RANBP9: variants seen among roughly 807,000 people sequenced by gnomAD.
The protein encoded by RANBP9 is ran-binding protein 9.
A neutral mutation model predicts 84.3 loss-of-function variants in RANBP9; 15 were observed. The observed-to-expected ratio is 0.18, with a 90% CI of 0.12 to 0.27. RANBP9 has a LOEUF of 0.27. Ranked by LOEUF, RANBP9 falls within the 10% of genes least tolerant of loss-of-function variation. RANBP9 has a pLI of 1.00. For synonymous variants in RANBP9, 392 were observed against 349.6 expected, an observed-to-expected ratio of 1.12 and a Z score of -1.35; for missense variants, 809 against 912.8, an observed-to-expected ratio of 0.89 and a Z score of 1.46.
chr6:13,708,402 G>A (rs1381802876), intron 1 of RANBP9, among the ~76,000 whole-genome samples: 1 of 152,136 alleles, frequency 6.6e-6, no homozygotes, highest in Non-Finnish European at 1.5e-5. Context: ...CTCCATCAAG[G>A]CAACAAAGTT....
At chr6:13,629,119 TTG>T (rs2127760053) in intron 12 of RANBP9, among the ~76,000 whole-genome samples, 1 of 97,212 alleles carries the variant, frequency 1.0e-5, no homozygotes, top group South Asian at 3.3e-4. Flanking sequence ...TTGAGCCTTT[TTG>T]TTTTTTTGAG....
chr6:13,657,051 T>C (rs1765415657), intron 4 of RANBP9, 58 bp downstream of exon 4: 1 of 1,432,448 alleles, frequency 7.0e-7, no homozygotes, highest in African/African-American at 1.4e-5. Flanking sequence ...ACTACCATCC[T>C]GGAAGTATAA....
chr6:13,680,667 G>C (rs747790987), intron 2 of RANBP9, among the ~76,000 whole-genome samples: 1 of 151,824 alleles, frequency 6.6e-6, no homozygotes, highest in Non-Finnish European at 1.5e-5. Context: ...GAGGCGGGAG[G>C]ATCGCTTGGC....
chr6:13,657,746 A>AT (rs1328944874), intron 3 of RANBP9, among the ~76,000 whole-genome samples: 1 of 152,242 alleles, frequency 6.6e-6, no homozygotes, highest in African/African-American at 2.4e-5. Flanking sequence ...AGATATGTTT[A>AT]TATCATCATT....
chr6:13,639,798 G>T, intron 8 of RANBP9, 45 bp from the exon 9 acceptor site: 1 of 1,467,738 alleles, frequency 6.8e-7, no homozygotes, highest in Non-Finnish European at 9.4e-7. Flanking sequence ...TCTTCAAATG[G>T]CCTTTTATTT....
intron 2 of RANBP9, among the ~76,000 whole-genome samples, chr6:13,666,821 C>T (rs1257632958): frequency 6.6e-6 from 1 of 151,752 alleles, no homozygotes; most frequent in Non-Finnish European, 1.5e-5. Context: ...GAGTATTTTA[C>T]CTTGAAAAAC....
chr6:13,692,527 CAAAAAAAAAAAAA>C (rs61237158), intron 2 of RANBP9, among the ~76,000 whole-genome samples: 45 of 28,726 alleles, frequency 1.6e-3, no homozygotes, highest in South Asian at 2.9e-3. Context: ...AACTCCGTCT[CAAAAAAAAAAAAA>C]AAAAAAAAAA....
chr6:13,676,669 G>A (rs1765891652), intron 2 of RANBP9, among the ~76,000 whole-genome samples: 1 of 151,564 alleles, frequency 6.6e-6, no homozygotes, highest in Non-Finnish European at 1.5e-5. Flanking sequence ...TATACACCAA[G>A]ACTAAGTGGG....
chr6:13,657,532 A>C (rs1296803262), intron 3 of RANBP9, among the ~76,000 whole-genome samples: 1 of 152,218 alleles, frequency 6.6e-6, no homozygotes, highest in Non-Finnish European at 1.5e-5. Context: ...AGAAAAAACA[A>C]ACATAAATGC....
intron 7 of RANBP9, 35 bp from the exon 8 acceptor site, chr6:13,641,342 AC>A: frequency 7.6e-7 from 1 of 1,324,478 alleles, no homozygotes; most frequent in East Asian, 2.4e-5. Flanking sequence ...ATTAACTTTT[AC>A]AAAAGTAGAT....
At chr6:13,670,645 A>G (rs188618979) in intron 2 of RANBP9, among the ~76,000 whole-genome samples, 23 of 151,786 alleles carry the variant, frequency 1.5e-4, no homozygotes, top group Admixed American at 1.4e-3. Flanking sequence ...AAATACAAAA[A>G]CAAAATTAGA....
intron 1 of RANBP9, among the ~76,000 whole-genome samples, chr6:13,707,890 GACA>G (rs1758168553): frequency 6.6e-6 from 1 of 152,048 alleles, no homozygotes; most frequent in African/African-American, 2.4e-5. Flanking sequence ...ATTCAATACT[GACA>G]ACAATTTCAA....
intron 1 of RANBP9, among the ~76,000 whole-genome samples, chr6:13,698,015 T>A (rs1463728980): frequency 6.6e-6 from 1 of 152,246 alleles, no homozygotes; most frequent in Non-Finnish European, 1.5e-5. Flanking sequence ...TATACAATCA[T>A]CACACATGAA....
At chr6:13,655,428 CTG>C (rs1765376360) in intron 4 of RANBP9, among the ~76,000 whole-genome samples, 1 of 152,198 alleles carries the variant, frequency 6.6e-6, no homozygotes, top group Non-Finnish European at 1.5e-5. Context: ...GATCACATCA[CTG>C]TACTCCTGCC....
Position 13,658,776 on chromosome 6 carries a change from G to A in RANBP9, c.736+4C>T. ...ATAATACTGTAATTCAATTACAAGT[G>A]TACCTGGTAGTCTATTCATGTTCAC... On this transcript the variant is annotated splice_donor_region_variant and intron_variant, in intron 3 of 13. Transcript: ENST00000011619. 1 of 1,552,304 alleles carries A rather than the reference G, an allele frequency of 6.4e-7. No individual in the cohort carries two copies. The highest frequency in any genetic ancestry group is 1.4e-5 in the African/African-American group (1 of 73,504).
At chr6:13,647,334 A>T (rs1006960530) in intron 5 of RANBP9, among the ~76,000 whole-genome samples, 1 of 152,178 alleles carries the variant, frequency 6.6e-6, no homozygotes, top group African/African-American at 2.4e-5. Flanking sequence ...ATGCAAATTA[A>T]ACTCTGACCA....
intron 6 of RANBP9, 99 bp from the exon 7 acceptor site, chr6:13,642,690 C>A: frequency 1.4e-6 from 1 of 728,816 alleles, no homozygotes. Context: ...GTTATAAAAA[C>A]GAACCTATTT....
chr6:13,703,177 C>T (rs1390675506), intron 1 of RANBP9, among the ~76,000 whole-genome samples: 1 of 152,174 alleles, frequency 6.6e-6, no homozygotes, highest in Non-Finnish European at 1.5e-5. Flanking sequence ...TGCACCCTCC[C>T]GTGCTCAGCT....
intron 1 of RANBP9, among the ~76,000 whole-genome samples, chr6:13,709,369 T>G (rs764238567): frequency 5.9e-5 from 9 of 151,980 alleles, no homozygotes; most frequent in Admixed American, 3.3e-4. Flanking sequence ...AATCTAGAAT[T>G]CTTTGTTCAT....
Sources: allele counts gnomAD v4.1 joint callset (sites outside exome capture counted in the v4.1 genomes callset), GRCh38; gene constraint gnomAD v4.1.1; transcripts MANE v1.5; gene names NCBI Gene and HGNC (gene_info 2026-07-23, HGNC 2026-07-21).